The following CCDC6 variants were observed in gnomAD, a reference collection of about 807,000 sequenced individuals.
CCDC6 encodes coiled-coil domain-containing protein 6.
CCDC6 carries 20 observed loss-of-function variants against 56.6 expected under a neutral mutation model. The observed-to-expected ratio is 0.35, with a 90% CI of 0.25 to 0.51. The LOEUF is 0.51. Among genes scored for constraint, CCDC6 ranks in the 20% least tolerant of loss-of-function variants. CCDC6 has a pLI of 0.95. For synonymous variants in CCDC6, 241 were observed against 234.4 expected (o/e 1.03, Z -0.26); for missense variants, 367 against 601.1 (o/e 0.61, Z 4.07).
At chr10:59,896,601 CAAACAA>C (rs1368442296) in intron 1 of CCDC6, among the ~76,000 whole-genome samples, 1 of 145,362 alleles carries the variant, frequency 6.9e-6, no homozygotes, top group Non-Finnish European at 1.5e-5. Flanking sequence ...AAAAAAAAAA[CAAACAA>C]AAACAAGAAC....
At chr10:59,858,748 G>C (rs528324246) in intron 1 of CCDC6, among the ~76,000 whole-genome samples, 73 of 152,246 alleles carry the variant, frequency 4.8e-4, no homozygotes, top group African/African-American at 1.7e-3. Context: ...TGGGTTCACT[G>C]GTCACTTACT....
At chr10:59,853,244 C>T (rs2071053784) in intron 1 of CCDC6, among the ~76,000 whole-genome samples, 1 of 152,164 alleles carries the variant, frequency 6.6e-6, no homozygotes, top group Non-Finnish European at 1.5e-5. Flanking sequence ...ATTAAAAAGG[C>T]ATTATGGGCC....
At chr10:59,837,975 A>C (rs1337565756) in intron 2 of CCDC6, among the ~76,000 whole-genome samples, 2 of 152,156 alleles carry the variant, frequency 1.3e-5, no homozygotes, top group East Asian at 3.9e-4. Context: ...AATGTTATTA[A>C]TATGAGCTTT....
At chr10:59,861,972 C>T (rs1288573485) in intron 1 of CCDC6, among the ~76,000 whole-genome samples, 1 of 152,080 alleles carries the variant, frequency 6.6e-6, no homozygotes, top group African/African-American at 2.4e-5. Context: ...CAGAAAGTCC[C>T]AGTCAGGATA....
In CCDC6 at chr10:59,852,538, G is replaced by C; in HGVS notation, c.453+15C>G. 3 of 1,560,962 alleles carry C rather than the reference G, an allele frequency of 1.9e-6. No homozygotes were observed. The highest frequency in any genetic ancestry group is 2.6e-6 in the Non-Finnish European group (3 of 1,159,896). ...AATAGGCAGGGAAGATGAGGGAGTA[G>C]AAAAGATAATTTACCTGCATCAATT... On this transcript the variant is annotated intron_variant, in intron 2 of 8. Transcript: ENST00000263102.
chr10:59,844,920 T>C (rs946906754), intron 2 of CCDC6, among the ~76,000 whole-genome samples: 3 of 152,142 alleles, frequency 2.0e-5, no homozygotes, highest in Admixed American at 2.0e-4. Flanking sequence ...GTCTCATCTT[T>C]CTTACCAAGT....
chr10:59,838,352 T>C (rs1314428986), intron 2 of CCDC6, among the ~76,000 whole-genome samples: 1 of 152,190 alleles, frequency 6.6e-6, no homozygotes, highest in Non-Finnish European at 1.5e-5. Context: ...CCAGGTCCAC[T>C]GTAGATCATC....
chr10:59,796,902 C>T (rs186442903), intron 7 of CCDC6, among the ~76,000 whole-genome samples: 24 of 148,296 alleles, frequency 1.6e-4, no homozygotes, highest in Admixed American at 8.2e-4. Context: ...ACTCGGGAGG[C>T]GGAGCTTGCA....
chr10:59,865,131 C>T (rs2071166323), intron 1 of CCDC6, among the ~76,000 whole-genome samples: 1 of 152,174 alleles, frequency 6.6e-6, no homozygotes, highest in Non-Finnish European at 1.5e-5. Flanking sequence ...AATGTCCCAC[C>T]CTCTACATCT....
chr10:59,827,103 G>C (rs900309707), intron 3 of CCDC6, among the ~76,000 whole-genome samples: 4 of 152,176 alleles, frequency 2.6e-5, no homozygotes, highest in Non-Finnish European at 4.4e-5. Context: ...AGTAAGGCTT[G>C]AGCAGGGATA....
chr10:59,874,815 G>C (rs936218710), intron 1 of CCDC6, among the ~76,000 whole-genome samples: 1 of 152,166 alleles, frequency 6.6e-6, no homozygotes, highest in Non-Finnish European at 1.5e-5. Context: ...ATGAGATGCA[G>C]GTAGCCTCTA....
At chr10:59,862,893 A>G (rs921278470) in intron 1 of CCDC6, among the ~76,000 whole-genome samples, 6 of 152,208 alleles carry the variant, frequency 3.9e-5, no homozygotes, top group African/African-American at 7.2e-5. Context: ...TATGCCCTAC[A>G]TAAAACTCTT....
At chr10:59,799,131 TA>T (rs573382025) in intron 7 of CCDC6, among the ~76,000 whole-genome samples, 247 of 144,136 alleles carry the variant, frequency 1.7e-3, no homozygotes, top group Admixed American at 1.7e-3. Context: ...CCTACTTACT[TA>T]AAAAAAAAAA....
chr10:59,814,322 G>A (rs1241778893), intron 4 of CCDC6, among the ~76,000 whole-genome samples: 1 of 152,146 alleles, frequency 6.6e-6, no homozygotes, highest in East Asian at 1.9e-4. Context: ...AACTGAGGAA[G>A]CCAGTTCAAT....
At chr10:59,885,924 C>G (rs868384738) in intron 1 of CCDC6, among the ~76,000 whole-genome samples, 4 of 127,758 alleles carry the variant, frequency 3.1e-5, no homozygotes, top group African/African-American at 1.3e-4. Context: ...CGCCCCCCGC[C>G]CCCCCAACTA....
intron 1 of CCDC6, among the ~76,000 whole-genome samples, chr10:59,905,190 AC>A (rs1211750840): frequency 6.6e-6 from 1 of 152,036 alleles, no homozygotes; most frequent in Non-Finnish European, 1.5e-5. Context: ...TTTTCTAGTT[AC>A]GTTTCGCCTC....
At chr10:59,865,636 G>C (rs371812315) in intron 1 of CCDC6, among the ~76,000 whole-genome samples, 1 of 151,890 alleles carries the variant, frequency 6.6e-6, no homozygotes, top group African/African-American at 2.4e-5. Context: ...GGCAGATCAC[G>C]AGGTCAAGAG....
chr10:59,864,713 T>C (rs1321211538), intron 1 of CCDC6, among the ~76,000 whole-genome samples: 1 of 152,138 alleles, frequency 6.6e-6, no homozygotes, highest in Non-Finnish European at 1.5e-5. Context: ...CTCACTCACA[T>C]GGCCGCATTC....
At chr10:59,802,074 C>A (rs1307865307) in intron 7 of CCDC6, among the ~76,000 whole-genome samples, 2 of 152,162 alleles carry the variant, frequency 1.3e-5, no homozygotes, top group Non-Finnish European at 2.9e-5. Context: ...CTAATTCAGA[C>A]ACATCAAAAC....
Sources: gnomAD v4.1 joint callset for allele counts (sites outside exome capture counted in the v4.1 genomes callset) on GRCh38, gnomAD v4.1.1 for gene constraint, MANE v1.5 for transcripts, NCBI Gene and HGNC (gene_info 2026-07-23, HGNC 2026-07-21) for gene names.